MGAT4C: variants seen among roughly 807,000 people sequenced by gnomAD.
MGAT4C encodes alpha-1,3-mannosyl-glycoprotein 4-beta-N-acetylglucosaminyltransferase C.
MGAT4C carries 19 observed loss-of-function variants against 40.1 expected under a neutral mutation model. That is an observed-to-expected ratio of 0.47 (90% CI 0.33 to 0.70). The LOEUF (loss-of-function observed/expected upper bound fraction) is 0.70, where lower values mean the gene tolerates loss of function less well. Among genes scored for constraint, MGAT4C ranks in the 30% least tolerant of loss-of-function variants. MGAT4C has a pLI of 0.02. For synonymous variants in MGAT4C, 181 were observed against 187.1 expected, an observed-to-expected ratio of 0.97 and a Z score of 0.27; for missense variants, 491 against 563.2, an observed-to-expected ratio of 0.87 and a Z score of 1.30.
At chr12:86,641,150 A>G (rs1414878235) in intron 2 of MGAT4C, among the ~76,000 whole-genome samples, 1 of 151,890 alleles carries the variant, frequency 6.6e-6, no homozygotes, top group Non-Finnish European at 1.5e-5. Flanking sequence ...CTGGATTAAG[A>G]AAATGTGGCA....
At chr12:85,989,296 G>A (rs1885610917) in intron 3 of MGAT4C, 104 bp downstream of exon 3, 1 of 1,141,588 alleles carries the variant, frequency 8.8e-7, no homozygotes, top group Non-Finnish European at 1.2e-6. Flanking sequence ...CTCAAACTAA[G>A]TCTTCTCCAA....
intron 1 of MGAT4C, among the ~76,000 whole-genome samples, chr12:86,743,664 CCCAGGTT>C (rs2136133306): frequency 6.6e-6 from 1 of 151,544 alleles, no homozygotes; most frequent in Non-Finnish European, 1.5e-5. Context: ...TTAAACAAAG[CCCAGGTT>C]TTTCCAGGTT....
At chr12:86,532,700 T>C (rs987894300) in intron 2 of MGAT4C, among the ~76,000 whole-genome samples, 2 of 152,054 alleles carry the variant, frequency 1.3e-5, no homozygotes, top group Non-Finnish European at 2.9e-5. Context: ...GATTGCATCT[T>C]AAAGGCTGGC....
rs555967821 is a variant in MGAT4C, at chr12:86,589,779, T to A, written c.-229+137430A>T. Among the ~76,000 whole-genome samples the A allele has an allele frequency of 1.8e-3, 270 of 152,048 alleles. 2 individuals carry two copies. Among genetic ancestry groups the A allele is most frequent in the Admixed American group, 2.8e-3 (43 of 15,226 alleles). On this transcript the variant is annotated intron_variant, in intron 2 of 7. Coordinates refer to the MGAT4C transcript ENST00000548651. ...GCAAATCACTAAGTGTACTCCAGCA[T>A]ATAAACAGAACCCAAGACAAAAACC...
chr12:86,405,191 T>A (rs1164140457), intron 3 of MGAT4C, among the ~76,000 whole-genome samples: 2 of 152,070 alleles, frequency 1.3e-5, no homozygotes, highest in African/African-American at 2.4e-5. Context: ...AGGCAAGAAA[T>A]TAAGGGAGAA....
chr12:86,215,780 G>T (rs1437238973), intron 1 of MGAT4C, among the ~76,000 whole-genome samples: 2 of 151,840 alleles, frequency 1.3e-5, no homozygotes, highest in Non-Finnish European at 2.9e-5. Context: ...CAAAAGTGGG[G>T]TCCAAAGTAG....
At chr12:86,470,677 C>A (rs1388430701) in intron 2 of MGAT4C, among the ~76,000 whole-genome samples, 1 of 152,062 alleles carries the variant, frequency 6.6e-6, no homozygotes, top group African/African-American at 2.4e-5. Flanking sequence ...AGGCAAAGGG[C>A]ATATTTTAAA....
chr12:86,429,050 G>T (rs985624903), intron 3 of MGAT4C, among the ~76,000 whole-genome samples: 5 of 151,864 alleles, frequency 3.3e-5, no homozygotes, highest in Non-Finnish European at 7.4e-5. Context: ...GTAATATTAT[G>T]TGGTTTATTT....
chr12:86,619,213 C>G (rs1484760059), intron 2 of MGAT4C, among the ~76,000 whole-genome samples: 1 of 152,040 alleles, frequency 6.6e-6, no homozygotes, highest in African/African-American at 2.4e-5. Flanking sequence ...AACAGAACAA[C>G]TATATCTCTA....
chr12:86,364,932 A>G (rs938243795), intron 3 of MGAT4C, among the ~76,000 whole-genome samples: 2 of 152,290 alleles, frequency 1.3e-5, no homozygotes, highest in South Asian at 2.1e-4. Flanking sequence ...ATGAAGTTTC[A>G]GGCATGCATT....
chr12:86,060,687 T>C (rs1021711672), intron 1 of MGAT4C, among the ~76,000 whole-genome samples: 5 of 152,252 alleles, frequency 3.3e-5, no homozygotes, highest in Non-Finnish European at 5.9e-5. Flanking sequence ...AATAGAAACA[T>C]TTATTGCTTA....
intron 1 of MGAT4C, among the ~76,000 whole-genome samples, chr12:86,770,144 C>T (rs1455015971): frequency 1.2e-4 from 18 of 151,816 alleles, no homozygotes. Flanking sequence ...GAAACAGAGA[C>T]TATTTTTTTT....
chr12:86,713,511 A>G (rs976786511), intron 2 of MGAT4C, among the ~76,000 whole-genome samples: 1 of 152,082 alleles, frequency 6.6e-6, no homozygotes, highest in Non-Finnish European at 1.5e-5. Flanking sequence ...AAGGGCTTCT[A>G]CCTCTATAGT....
rs73398145 is a variant in MGAT4C at position 86,280,465 on chromosome 12, G to A, written c.-57+53600C>T. The stretch of plus-strand genomic sequence containing the variant: ...AAATATAAAACCATATAAAGTAAAT[G>A]TAAACTGTCCTTTTGACTCAAGATC... On this transcript the variant is annotated intron_variant, in intron 4 of 7. Transcript: ENST00000548651. Among the ~76,000 whole-genome samples, 504 of 152,040 alleles carry A rather than the reference G, an allele frequency of 3.3e-3. 2 individuals carry two copies. The highest frequency in any genetic ancestry group is 0.012 in the African/African-American group (490 of 41,524).
chr12:86,258,990 T>C (rs1952599458), upstream of MGAT4C, among the ~76,000 whole-genome samples: 1 of 151,910 alleles, frequency 6.6e-6, no homozygotes, highest in Non-Finnish European at 1.5e-5. Context: ...TATTTTAGTT[T>C]TAAATAATTA....
At chr12:86,342,119 G>A (rs1023644157) in intron 3 of MGAT4C, among the ~76,000 whole-genome samples, 1 of 152,006 alleles carries the variant, frequency 6.6e-6, no homozygotes, top group Admixed American at 6.6e-5. Context: ...CTGGCAACAG[G>A]TCCATACCTC....
intron 3 of MGAT4C, among the ~76,000 whole-genome samples, chr12:86,338,778 C>T (rs973325055): frequency 4.0e-5 from 6 of 151,490 alleles, no homozygotes; most frequent in African/African-American, 1.5e-4. Context: ...TGGCCAACAT[C>T]GTGAAACCCC....
At chr12:86,611,086 A>G (rs1483354621) in intron 2 of MGAT4C, among the ~76,000 whole-genome samples, 1 of 152,014 alleles carries the variant, frequency 6.6e-6, no homozygotes, top group African/African-American at 2.4e-5. Flanking sequence ...AATGTACAGC[A>G]CTTGGAGGCT....
intron 4 of MGAT4C, among the ~76,000 whole-genome samples, chr12:86,298,398 G>C (rs1328351465): frequency 6.6e-6 from 1 of 152,006 alleles, no homozygotes; most frequent in Non-Finnish European, 1.5e-5. Context: ...TTGGAAGTCA[G>C]GTAAATTTGC....
Sources: allele counts gnomAD v4.1 joint callset (sites outside exome capture counted in the v4.1 genomes callset), GRCh38; gene constraint gnomAD v4.1.1; transcripts MANE v1.5; gene names NCBI Gene and HGNC (gene_info 2026-07-23, HGNC 2026-07-21).